Variants in ADAMTS9 observed in about 807,000 individuals in gnomAD.
The protein encoded by ADAMTS9 is A disintegrin and metalloproteinase with thrombospondin motifs 9.
A neutral mutation model predicts 257.1 loss-of-function variants in ADAMTS9; 107 were observed. The observed-to-expected ratio is 0.42, with a 90% CI of 0.36 to 0.49. The LOEUF (loss-of-function observed/expected upper bound fraction) is 0.49. Ranked by LOEUF, ADAMTS9 falls within the 20% of genes least tolerant of loss-of-function variation. ADAMTS9 has a pLI of 0.03. For missense variants in ADAMTS9, 2,353 were observed against 2,469.1 expected (o/e 0.95, Z 1.00); for synonymous variants, 982 against 880.9 (o/e 1.11, Z -2.03).
At chr3:64,527,528 G>C (rs533473672) in intron 38 of ADAMTS9, among the ~76,000 whole-genome samples, 5 of 149,948 alleles carry the variant, frequency 3.3e-5, no homozygotes, top group East Asian at 4.0e-4. Context: ...GTAATGAACA[G>C]AGATTATAAT....
intron 28 of ADAMTS9, among the ~76,000 whole-genome samples, chr3:64,577,186 C>T (rs952991810): frequency 6.6e-6 from 1 of 152,258 alleles, no homozygotes; most frequent in Non-Finnish European, 1.5e-5. Context: ...GCAAATGTAG[C>T]ACCTGGTGAA....
chr3:64,687,668 AC>A lies in ADAMTS9; in HGVS notation c.-12del. The A allele has an allele frequency of 7.1e-7, 1 of 1,417,004 alleles. No homozygotes were observed. The highest frequency in any genetic ancestry group is 9.5e-7 in the Non-Finnish European group (1 of 1,057,438). 87.8% of individuals were successfully genotyped at this position (1,417,004 alleles called of 1,614,324 possible). ...GGATACAAACTGCATGGTGCTTCCC[AC>A]CCCTCCCTCCGCTGCCCCCACCCCC... On this transcript the variant is annotated 5_prime_UTR_variant, in exon 1 of 40. Transcript: ENST00000498707. The surrounding 1 kb of genome is among the most constrained non-coding windows in gnomAD (Gnocchi z 4.4).
Position 64,651,145 on chromosome 3 carries a change from A to G in ADAMTS9, c.1335T>C (p.Asp445=), listed in dbSNP as rs1700922345. 3 of 1,584,362 alleles carry G rather than the reference A, an allele frequency of 1.9e-6. No homozygotes were observed. Among genetic ancestry groups the G allele is most frequent in the East Asian group, 2.3e-5 (1 of 42,972 alleles). Residue 445 remains aspartate (D), a synonymous_variant, in exon 9 of 40, where the codon GAT becomes GAC. Transcript: ENST00000498707. ...ELGHVFNMPH[D]DNNKCKEEGV... is the part of the protein sequence containing the mutation. ...CTTCTTCTTTACATTTGTTGTTGTC[A>G]TCATGAGGCATGTTAAACCTAAAGC...
intron 28 of ADAMTS9, among the ~76,000 whole-genome samples, chr3:64,578,959 T>G (rs2106732878): frequency 6.6e-6 from 1 of 152,328 alleles, no homozygotes; most frequent in East Asian, 1.9e-4. Flanking sequence ...GTGTTCCTCC[T>G]GTACCCTCTG....
At chr3:64,561,044 G>A (rs181839679) in intron 30 of ADAMTS9, among the ~76,000 whole-genome samples, 4 of 147,810 alleles carry the variant, frequency 2.7e-5, no homozygotes, top group Non-Finnish European at 4.4e-5. Context: ...CATCAACGGA[G>A]CAGTTTCTTC....
intron 22 of ADAMTS9, among the ~76,000 whole-genome samples, chr3:64,611,782 C>T (rs374111263): frequency 6.6e-6 from 1 of 152,174 alleles, no homozygotes; most frequent in Non-Finnish European, 1.5e-5. Flanking sequence ...TGGTTCTTTA[C>T]AGGCCATGGC....
intron 38 of ADAMTS9, among the ~76,000 whole-genome samples, chr3:64,524,295 A>C (rs768997614): frequency 1.3e-5 from 2 of 152,232 alleles, no homozygotes; most frequent in Admixed American, 6.5e-5. Context: ...TATGCAATGT[A>C]GTGACATGCT....
At chr3:64,650,269 A>C (rs1161780354) in intron 9 of ADAMTS9, 1 of 152,666 alleles carries the variant, frequency 6.6e-6, no homozygotes, top group Non-Finnish European at 1.5e-5. Flanking sequence ...CGTTTTCAGC[A>C]AACACCTCTC....
At chr3:64,575,577 G>A (rs1360890686) in intron 28 of ADAMTS9, among the ~76,000 whole-genome samples, 1 of 152,134 alleles carries the variant, frequency 6.6e-6, no homozygotes, top group African/African-American at 2.4e-5. Flanking sequence ...TGGCAGCTGG[G>A]GTGGTGGGGA....
chr3:64,581,368 T>G lies in ADAMTS9; in HGVS notation c.4357-12833A>C, dbSNP rs2083995557. Among the ~76,000 whole-genome samples the G allele has an allele frequency of 2.0e-5, 3 of 152,086 alleles. No homozygotes were observed. The South Asian group carries it at 6.2e-4, about 32-fold the overall frequency. On this transcript the variant is annotated intron_variant, in intron 28 of 39. Coordinates refer to ENST00000498707, the MANE Select transcript of ADAMTS9 (RefSeq NM_182920.2). ...TTTTCTTTTTAAAAAAATTTTTAAT[T>G]TCATTTAAAATTTTAATCTATTTAT...
In ADAMTS9 at chr3:64,651,180, A is replaced by G. The variant is rs778500058; in HGVS notation, c.1317-17T>C. The G allele has an allele frequency of 3.2e-6, 5 of 1,550,744 alleles. No homozygotes were observed. The highest frequency in any genetic ancestry group is 4.3e-6 in the Non-Finnish European group (5 of 1,155,894). On this transcript the variant is annotated splice_polypyrimidine_tract_variant and intron_variant, in intron 8 of 39. Transcript: ENST00000498707. ...ATGTTAAACCTAAAGCCAATGAGACAATGATGAGAATGTCAATAAACACCA... is the reference window on the plus strand; with the variant it reads ...ATGTTAAACCTAAAGCCAATGAGACGATGATGAGAATGTCAATAAACACCA...
At chr3:64,636,602 C>T (rs1373671509) in intron 12 of ADAMTS9, among the ~76,000 whole-genome samples, 1 of 152,184 alleles carries the variant, frequency 6.6e-6, no homozygotes, top group African/African-American at 2.4e-5. Context: ...GTGGGCCAAA[C>T]CCAGCCCGCC....
At chr3:64,644,152 A>T (rs1248055989) in intron 11 of ADAMTS9, among the ~76,000 whole-genome samples, 1 of 152,256 alleles carries the variant, frequency 6.6e-6, no homozygotes, top group African/African-American at 2.4e-5. Context: ...AATGGCAAAC[A>T]TGTACACTGC....
At chr3:64,537,521 G>A (rs951718331) in intron 37 of ADAMTS9, among the ~76,000 whole-genome samples, 4 of 152,252 alleles carry the variant, frequency 2.6e-5, no homozygotes, top group African/African-American at 9.6e-5. Context: ...CTTCTCTCCT[G>A]AGAGCTTCCT....
intron 38 of ADAMTS9, among the ~76,000 whole-genome samples, chr3:64,528,763 T>A (rs1276181496): frequency 6.6e-6 from 1 of 152,228 alleles, no homozygotes; most frequent in Admixed American, 6.5e-5. Context: ...CCCAGTAGGA[T>A]ACCAACAGCT....
At chr3:64,641,355 A>G (rs1171371120) in intron 12 of ADAMTS9, among the ~76,000 whole-genome samples, 1 of 150,494 alleles carries the variant, frequency 6.6e-6, no homozygotes, top group African/African-American at 2.5e-5. Flanking sequence ...GTTTTAGGGT[A>G]CACGTGCACA....
At chr3:64,624,549 T>C (rs1700183585) in intron 16 of ADAMTS9, among the ~76,000 whole-genome samples, 1 of 152,206 alleles carries the variant, frequency 6.6e-6, no homozygotes, top group South Asian at 2.1e-4. Context: ...TATTTATTTA[T>C]TAAAAGGTCA....
rs754040755 is a variant in ADAMTS9 at position 64,516,364 on chromosome 3, C to G, written c.*763G>C. 1 of 152,514 alleles carries G rather than the reference C, an allele frequency of 6.6e-6. No individual in the cohort carries two copies. The highest frequency in any genetic ancestry group is 1.9e-4 in the East Asian group (1 of 5,178). 9.4% of individuals were successfully genotyped at this position (152,514 alleles called of 1,614,324 possible). ...CAACGAATATTAACAACACTAACAA[C>G]AATAAGGATAAAGTCTAAGTCTCTT... is the stretch of plus-strand genomic sequence containing the variant. On this transcript the variant is annotated 3_prime_UTR_variant, in exon 40 of 40. Transcript: ENST00000498707.
chr3:64,560,421 C>T (rs951089341), intron 30 of ADAMTS9, among the ~76,000 whole-genome samples: 4 of 152,040 alleles, frequency 2.6e-5, no homozygotes, highest in Non-Finnish European at 5.9e-5. Context: ...CATGAGGAGG[C>T]GAGGGAAGAG....
Sources: gnomAD v4.1 joint callset for allele counts (sites outside exome capture counted in the v4.1 genomes callset) on GRCh38, gnomAD v4.1.1 for gene constraint, Gnocchi (gnomAD v3.1) non-coding constraint, MANE v1.5 for transcripts, NCBI Gene and HGNC (gene_info 2026-07-23, HGNC 2026-07-21) for gene names.